The following PRPF6 variants were observed in gnomAD, a reference collection of about 807,000 sequenced individuals.
PRPF6 encodes pre-mRNA processing factor 6.
A neutral mutation model predicts 118.3 loss-of-function variants in PRPF6; 42 were observed. The ratio of observed to expected loss-of-function variants is 0.35; its 90% CI spans 0.28 to 0.46. PRPF6 has a LOEUF of 0.46. Ranked by LOEUF, PRPF6 falls within the 20% of genes least tolerant of loss-of-function variation. PRPF6 has a pLI of 1.00. For synonymous variants in PRPF6, 481 were observed against 485.1 expected (o/e 0.99, Z 0.11); for missense variants, 662 against 1,255.7 (o/e 0.53, Z 7.15).
chr20:64,032,075 G>A (rs2059317356), intron 20 of PRPF6, 31 bp downstream of exon 20: 1 of 1,613,208 alleles, frequency 6.2e-7, no homozygotes, highest in South Asian at 1.1e-5. Context: ...GCCGCTCAGT[G>A]CCTTCTGGGA....
chr20:64,016,859 A>G lies in PRPF6; in HGVS notation c.1647+14A>G, dbSNP rs761538666. ...GATGCTGACAGTGTGAGTTGGCAAC[A>G]GGGGCCTTTGTCCGTAATATGGAGT... On this transcript the variant is annotated intron_variant, in intron 12 of 20. Transcript: ENST00000266079. 2 of 1,613,956 alleles carry G rather than the reference A, an allele frequency of 1.2e-6. No individual in the cohort carries two copies. Among genetic ancestry groups the G allele is most frequent in the South Asian group, 2.2e-5 (2 of 91,076 alleles).
Position 63,994,949 on chromosome 20 carries a change from C to T in PRPF6, c.472C>T (p.Leu158=). 8 of 1,614,182 alleles carry T rather than the reference C, an allele frequency of 5.0e-6. No individual in the cohort carries two copies. Among genetic ancestry groups the T allele is most frequent in the South Asian group, 1.1e-5 (1 of 91,084 alleles). Residue 158 remains leucine (L), a synonymous_variant, in exon 5 of 21, where the codon CTG becomes TTG. Coordinates refer to ENST00000266079, the MANE Select transcript of PRPF6 (RefSeq NM_012469.4). ...GGCAGAAGTCACAGAAGAAGAGTGG[C>T]TGAGCATCCCCGAGGTTGGCGATGC... The part of the protein sequence containing the change: ...KLAEVTEEEW[L]SIPEVGDARN...
At chr20:63,990,626 C>T (rs1263197783) in intron 3 of PRPF6, among the ~76,000 whole-genome samples, 2 of 151,682 alleles carry the variant, frequency 1.3e-5, no homozygotes, top group African/African-American at 4.8e-5. Flanking sequence ...CGTGCTACCA[C>T]ACCCAGCTAA....
At chr20:63,991,698 G>A (rs1015283962) in intron 3 of PRPF6, among the ~76,000 whole-genome samples, 2 of 151,852 alleles carry the variant, frequency 1.3e-5, no homozygotes, top group Admixed American at 6.6e-5. Flanking sequence ...GCTGAGGCAC[G>A]AGAATCACTT....
intron 9 of PRPF6, among the ~76,000 whole-genome samples, chr20:64,009,349 G>A (rs2059204837): frequency 6.6e-6 from 1 of 150,578 alleles, no homozygotes; most frequent in Non-Finnish European, 1.5e-5. Context: ...TATTTGAAGT[G>A]AATTACGTAG....
At chr20:63,984,631 A>T (rs1299117812) in intron 2 of PRPF6, among the ~76,000 whole-genome samples, 1 of 152,092 alleles carries the variant, frequency 6.6e-6, no homozygotes, top group Admixed American at 6.6e-5. Flanking sequence ...ATGTTTTTCC[A>T]TGAATGTCCG....
intron 12 of PRPF6, 120 bp downstream of exon 12, chr20:64,016,965 C>T (rs542664576): frequency 8.8e-6 from 12 of 1,364,808 alleles, no homozygotes; most frequent in Middle Eastern, 2.4e-4. Context: ...AAATCTGAGA[C>T]GGGGTCTTGC....
chr20:64,030,786 A>G (rs554486660), intron 19 of PRPF6, among the ~76,000 whole-genome samples: 22 of 152,364 alleles, frequency 1.4e-4, no homozygotes, highest in Non-Finnish European at 2.8e-4. Flanking sequence ...GCAATTAAGA[A>G]TACCACAAGG....
Position 64,016,832 on chromosome 20 carries a change from A to C in PRPF6, c.1634A>C (p.Glu545Ala). ...EEEDRKHTWM[E>A]DADSCVAHNA... Reference sequence around the variant, plus strand: ...GAAGATCGGAAGCATACCTGGATGGAGGATGCTGACAGTGTGAGTTGGCAA... The same window carrying C: ...GAAGATCGGAAGCATACCTGGATGGCGGATGCTGACAGTGTGAGTTGGCAA... Residue 545 changes from glutamate (E) to alanine (A), a missense_variant, in exon 12 of 21, where the codon GAG (glutamate) becomes GCG (alanine). Coordinates refer to ENST00000266079, the MANE Select transcript of PRPF6 (RefSeq NM_012469.4). The C allele has an allele frequency of 1.9e-6, 3 of 1,614,020 alleles. No individual in the cohort carries two copies. Among genetic ancestry groups the C allele is most frequent in the Non-Finnish European group, 2.5e-6 (3 of 1,179,974 alleles).
chr20:64,021,143 G>A (rs1349903317), intron 12 of PRPF6, among the ~76,000 whole-genome samples: 1 of 152,280 alleles, frequency 6.6e-6, no homozygotes, highest in Admixed American at 6.5e-5. Flanking sequence ...TACAGCATGT[G>A]TGTGTGTGTG....
intron 9 of PRPF6, among the ~76,000 whole-genome samples, chr20:64,005,423 G>C (rs2059185653): frequency 6.6e-6 from 1 of 152,226 alleles, no homozygotes; most frequent in African/African-American, 2.4e-5. Context: ...CTCCCACGCA[G>C]TCGAGGTGAG....
chr20:63,982,540 G>T (rs2122966332), intron 1 of PRPF6, among the ~76,000 whole-genome samples: 1 of 152,352 alleles, frequency 6.6e-6, no homozygotes, highest in South Asian at 2.1e-4. Flanking sequence ...GTAGAGGAAG[G>T]CTAAAGGCAG....
intron 8 of PRPF6, 104 bp downstream of exon 8, chr20:63,999,863 TACAG>T (rs2059158777): frequency 3.5e-6 from 5 of 1,411,056 alleles, no homozygotes; most frequent in Non-Finnish European, 4.9e-6. Context: ...GTATTGAAAC[TACAG>T]ACAATAGGGC....
intron 20 of PRPF6, among the ~76,000 whole-genome samples, 185 bp from the exon 21 acceptor site, chr20:64,032,656 T>C (rs1484454106): frequency 6.6e-6 from 1 of 152,112 alleles, no homozygotes; most frequent in African/African-American, 2.4e-5. Flanking sequence ...CCTCAGGAGG[T>C]GGGGCTCCTT....
intron 13 of PRPF6, among the ~76,000 whole-genome samples, chr20:64,023,794 C>G (rs1381761746): frequency 6.6e-6 from 1 of 152,182 alleles, no homozygotes; most frequent in Non-Finnish European, 1.5e-5. Flanking sequence ...GGTCTCTCGG[C>G]CCGTGACCTG....
At chr20:63,993,260 G>GTGTA (rs371316149) in intron 3 of PRPF6, 147 bp from the exon 4 acceptor site, 11 of 389,716 alleles carry the variant, frequency 2.8e-5, no homozygotes, top group South Asian at 7.1e-5. Flanking sequence ...GTGTGTGTGT[G>GTGTA]TGTATATGTA....
At position 64,032,195 on chromosome 20, in the gene PRPF6, C is replaced by T. The variant is rs1263215529; in HGVS notation, c.2673+151C>T. ...CCGGGTGTGTGGGGCACAGAATCCTCGACACCTCCCCACAAGGCAGTCTCT... is the reference window on the plus strand; with the variant it reads ...CCGGGTGTGTGGGGCACAGAATCCTTGACACCTCCCCACAAGGCAGTCTCT... On this transcript the variant is annotated intron_variant, in intron 20 of 20. Coordinates refer to ENST00000266079, the MANE Select transcript of PRPF6 (RefSeq NM_012469.4). The T allele has an allele frequency of 9.8e-6, 12 of 1,224,198 alleles. No individual in the cohort carries two copies. The East Asian group carries it at 1.7e-4, about 18-fold the overall frequency. 75.8% of individuals were successfully genotyped at this position (1,224,198 alleles called of 1,614,324 possible). A position where few individuals can be genotyped will look rare whatever the true frequency, so the allele number is the denominator to read the frequency against.
rs2059295638 is a variant in PRPF6 at position 64,027,386 on chromosome 20, C to G, written c.2206-217C>G. ...CTCAGAAGTGCAGAGTGTGGCACAC[C>G]TGCAGTAAAGGCTGGTACGTACAGA... On this transcript the variant is annotated intron_variant, in intron 16 of 20. Transcript: ENST00000266079. The surrounding 1 kb of genome is among the most constrained non-coding windows in gnomAD (Gnocchi z 6.5). 6.6e-6 allele frequency among the ~76,000 whole-genome samples: 1 copy of G among 152,166 alleles called. No individual in the cohort carries two copies. Among genetic ancestry groups the G allele is most frequent in the South Asian group, 2.1e-4 (1 of 4,830 alleles).
chr20:64,024,783 A>G lies in PRPF6; in HGVS notation c.1908+90A>G, dbSNP rs568768531. On this transcript the variant is annotated intron_variant, in intron 14 of 20. Coordinates refer to ENST00000266079, the MANE Select transcript of PRPF6 (RefSeq NM_012469.4). ...GGGGCCTGAAAATCTCCCACATACA[A>G]TGTGGCACGTGCTGTTGTTGGGGTG... 1.8e-3 allele frequency: 2,800 copies of G among 1,525,432 alleles called. 13 individuals carry two copies. The highest frequency in any genetic ancestry group is 8.3e-3 in the Middle Eastern group (36 of 4,316). 94.5% of individuals were successfully genotyped at this position (1,525,432 alleles called of 1,614,324 possible). A position where few individuals can be genotyped will look rare whatever the true frequency, so the allele number is the denominator to read the frequency against.
Sources: allele counts gnomAD v4.1 joint callset (sites outside exome capture counted in the v4.1 genomes callset), GRCh38; gene constraint gnomAD v4.1.1; non-coding constraint Gnocchi (gnomAD v3.1); transcripts MANE v1.5; gene names NCBI Gene and HGNC (gene_info 2026-07-23, HGNC 2026-07-21).